The following KCNMA1 variants were observed in gnomAD, a reference collection of about 807,000 sequenced individuals.
KCNMA1 encodes Calcium-activated potassium channel subunit alpha-1.
A neutral mutation model predicts 140.0 loss-of-function variants in KCNMA1; 29 were observed. The observed-to-expected ratio is 0.21, with a 90% CI of 0.15 to 0.28. The LOEUF (loss-of-function observed/expected upper bound fraction) is 0.28. KCNMA1 is among the 10% of genes least tolerant of loss of function. The probability of loss-of-function intolerance (pLI) is 1.00; values close to 1 mark genes in which losing one functional copy is unlikely to be tolerated. For missense variants in KCNMA1, 880 were observed against 1,602.2 expected, an observed-to-expected ratio of 0.55 and a Z score of 7.70; for synonymous variants, 612 against 611.9, an observed-to-expected ratio of 1.00 and a Z score of 0.00.
rs1032947457 is a variant in KCNMA1, at chr10:77,458,899, G to A, written c.379-54876C>T. On this transcript the variant is annotated intron_variant, in intron 1 of 27. Transcript: ENST00000286628. ...TCCAAAAGCTCAATAACCACAGATG[G>A]CTGGTGGCTATCATATTGGACAGCA... Among the ~76,000 whole-genome samples the A allele has an allele frequency of 6.6e-5, 10 of 152,186 alleles. No homozygotes were observed. In the East Asian group the frequency reaches 1.9e-3, roughly 29 times the overall value.
chr10:77,225,001 C>T (rs2154194576), intron 3 of KCNMA1, among the ~76,000 whole-genome samples: 2 of 152,276 alleles, frequency 1.3e-5, no homozygotes, highest in African/African-American at 4.8e-5. Context: ...CTGTTTACTT[C>T]TATGGTCCCA....
chr10:77,588,603 G>A (rs886401867), intron 1 of KCNMA1, among the ~76,000 whole-genome samples: 3 of 152,168 alleles, frequency 2.0e-5, no homozygotes, highest in Admixed American at 6.5e-5. Flanking sequence ...AAACCATCAG[G>A]AAGACCGGAA....
chr10:77,166,590 G>A (rs568590228), intron 5 of KCNMA1, among the ~76,000 whole-genome samples: 35 of 152,150 alleles, frequency 2.3e-4, no homozygotes, highest in African/African-American at 8.4e-4. Flanking sequence ...GAGAGGAAGA[G>A]GAGGGGAAGG....
intron 3 of KCNMA1, among the ~76,000 whole-genome samples, chr10:77,197,170 T>C (rs1352414277): frequency 6.6e-6 from 1 of 152,220 alleles, no homozygotes; most frequent in African/African-American, 2.4e-5. Context: ...AATTAATAGT[T>C]TTACTAAACA....
chr10:77,516,835 G>A (rs964372021), intron 1 of KCNMA1, among the ~76,000 whole-genome samples: 50 of 152,252 alleles, frequency 3.3e-4, no homozygotes, highest in East Asian at 1.9e-4. Flanking sequence ...GGCACCTGCC[G>A]GTGTACGGGA....
At chr10:77,092,296 T>C (rs1237551428) in intron 9 of KCNMA1, 1 of 152,250 alleles carries the variant, frequency 6.6e-6, no homozygotes, top group South Asian at 2.1e-4. Context: ...TTGTGGCACA[T>C]GTACATTTAC....
intron 2 of KCNMA1, among the ~76,000 whole-genome samples, chr10:77,304,102 A>G (rs1339511346): frequency 2.0e-5 from 3 of 152,144 alleles, no homozygotes; most frequent in African/African-American, 7.2e-5. Context: ...GGGTCCCTTA[A>G]ACCACACCTC....
chr10:77,248,736 C>T (rs1252722429), intron 3 of KCNMA1, among the ~76,000 whole-genome samples: 2 of 151,956 alleles, frequency 1.3e-5, no homozygotes, highest in Non-Finnish European at 2.9e-5. Flanking sequence ...TTCTCATTCA[C>T]TAAGCTCGAT....
chr10:77,454,501 C>A (rs766317986), intron 1 of KCNMA1, among the ~76,000 whole-genome samples: 3 of 152,206 alleles, frequency 2.0e-5, no homozygotes, highest in Non-Finnish European at 4.4e-5. Flanking sequence ...TATAATTTTA[C>A]AAATGTCTGT....
chr10:76,992,383 C>T (rs1490088069), intron 19 of KCNMA1, among the ~76,000 whole-genome samples: 3 of 152,182 alleles, frequency 2.0e-5, no homozygotes, highest in African/African-American at 7.2e-5. Flanking sequence ...TCTGAGATTT[C>T]AAATGCAAGG....
At chr10:77,203,964 C>G (rs1010550260) in intron 3 of KCNMA1, among the ~76,000 whole-genome samples, 4 of 151,728 alleles carry the variant, frequency 2.6e-5, no homozygotes, top group African/African-American at 9.7e-5. Flanking sequence ...GGCATGGTGG[C>G]GGGTTCCTAT....
chr10:77,221,899 G>A (rs551650628), intron 3 of KCNMA1, among the ~76,000 whole-genome samples: 3 of 152,298 alleles, frequency 2.0e-5, no homozygotes, highest in African/African-American at 7.2e-5. Context: ...AGGCTTAGGA[G>A]CCAGACAGAT....
At chr10:77,200,242 C>T (rs58467448) in intron 3 of KCNMA1, among the ~76,000 whole-genome samples, 10,807 of 152,224 alleles carry the variant, frequency 0.071, 454 homozygotes, top group African/African-American at 0.11. Flanking sequence ...TGAGCCACCA[C>T]GCCCAGCCTG....
chr10:77,013,965 TTTTAA>T (rs955871290), intron 17 of KCNMA1, among the ~76,000 whole-genome samples: 1 of 152,256 alleles, frequency 6.6e-6, no homozygotes, highest in African/African-American at 2.4e-5. Context: ...TTGGATTCTT[TTTTAA>T]TTTAATTTTT....
At chr10:77,083,338 G>A (rs764122052) in intron 12 of KCNMA1, among the ~76,000 whole-genome samples, 3 of 151,962 alleles carry the variant, frequency 2.0e-5, no homozygotes, top group Admixed American at 6.6e-5. Flanking sequence ...TGTGACTACT[G>A]GGTTTATGCA....
intron 1 of KCNMA1, among the ~76,000 whole-genome samples, chr10:77,588,910 G>A (rs1394542172): frequency 6.6e-6 from 1 of 152,230 alleles, no homozygotes; most frequent in Non-Finnish European, 1.5e-5. Flanking sequence ...CCTGCCCTCA[G>A]GGAGCTCACC....
intron 3 of KCNMA1, among the ~76,000 whole-genome samples, chr10:77,213,865 G>A (rs753658305): frequency 7.2e-5 from 11 of 152,040 alleles, no homozygotes; most frequent in African/African-American, 2.7e-4. Flanking sequence ...CCTTGTGCTC[G>A]CCTGTTCACG....
intron 3 of KCNMA1, among the ~76,000 whole-genome samples, chr10:77,248,662 T>G (rs1008703164): frequency 1.3e-5 from 2 of 152,216 alleles, no homozygotes; most frequent in African/African-American, 4.8e-5. Context: ...TTTAAGAATG[T>G]ACATTCTACT....
At chr10:76,913,180 C>G (rs2051084944) in intron 24 of KCNMA1, 1 of 152,200 alleles carries the variant, frequency 6.6e-6, no homozygotes, top group Non-Finnish European at 1.5e-5. Context: ...GTGCTCCCAC[C>G]TCTCTATCCA....
Sources: gnomAD v4.1 joint callset for allele counts (sites outside exome capture counted in the v4.1 genomes callset) on GRCh38, gnomAD v4.1.1 for gene constraint, MANE v1.5 for transcripts, NCBI Gene and HGNC (gene_info 2026-07-23, HGNC 2026-07-21) for gene names.